HYCC2: variants seen among roughly 807,000 people sequenced by gnomAD.
HYCC2 encodes the protein hyccin PI4KA lipid kinase complex subunit 2.
At chr2:201,002,156 G>A in the HYCC2 span, among the ~76,000 whole-genome samples, 1 of 151,474 alleles carries the variant, frequency 6.6e-6, no homozygotes, top group Non-Finnish European at 1.5e-5. Flanking sequence ...AAATGGGGCT[G>A]GGCACAGTGG....
the HYCC2 span, among the ~76,000 whole-genome samples, chr2:200,988,076 AC>A: frequency 6.6e-6 from 1 of 152,216 alleles, no homozygotes; most frequent in Non-Finnish European, 1.5e-5. Context: ...AGCAATCTAA[AC>A]ATCTATTTTA....
At chr2:201,003,775 CTA>C in the HYCC2 span, among the ~76,000 whole-genome samples, 1 of 139,064 alleles carries the variant, frequency 7.2e-6, no homozygotes, top group Admixed American at 7.2e-5. Context: ...CAGTTTGCCG[CTA>C]TGTTTGGGTT....
the HYCC2 span, among the ~76,000 whole-genome samples, chr2:200,991,094 A>G: frequency 2.6e-5 from 4 of 152,210 alleles, no homozygotes; most frequent in Non-Finnish European, 5.9e-5. Flanking sequence ...ATAGAATGAA[A>G]TATTAATTTG....
the HYCC2 span, chr2:201,021,882 G>A: frequency 8.0e-6 from 3 of 376,054 alleles, no homozygotes; most frequent in African/African-American, 6.3e-5. Context: ...TACACTGCAA[G>A]AGAAAAAGCA....
the HYCC2 span, among the ~76,000 whole-genome samples, chr2:201,008,617 AGG>A: frequency 8.9e-4 from 135 of 152,240 alleles, no homozygotes; most frequent in African/African-American, 3.2e-3. Context: ...TAAATGGGCC[AGG>A]TGCAGTGGCT....
the HYCC2 span, among the ~76,000 whole-genome samples, chr2:201,050,523 C>T: frequency 6.7e-6 from 1 of 148,908 alleles, no homozygotes; most frequent in Non-Finnish European, 1.5e-5. Context: ...ACCCAGTAGG[C>T]AGAGGTTACA....
the HYCC2 span, among the ~76,000 whole-genome samples, chr2:201,036,562 T>C: frequency 6.6e-6 from 1 of 152,234 alleles, no homozygotes; most frequent in Non-Finnish European, 1.5e-5. Flanking sequence ...CAAGTGGGCT[T>C]CATCCCTGGG....
the HYCC2 span, among the ~76,000 whole-genome samples, chr2:201,062,535 C>T: frequency 1.3e-5 from 2 of 151,820 alleles, no homozygotes; most frequent in Non-Finnish European, 2.9e-5. Context: ...CCTGTAGTCC[C>T]AGCTACTTGG....
chr2:201,017,038 G>C, the HYCC2 span: 1 of 1,613,928 alleles, frequency 6.2e-7, no homozygotes. Flanking sequence ...CCATTACTCT[G>C]TCTGTCTCGG....
the HYCC2 span, among the ~76,000 whole-genome samples, chr2:201,035,903 G>T: frequency 6.6e-6 from 1 of 152,118 alleles, no homozygotes; most frequent in East Asian, 1.9e-4. Flanking sequence ...AGCAGTGGAG[G>T]CTGCAGAACA....
the HYCC2 span, among the ~76,000 whole-genome samples, chr2:201,051,130 G>A: frequency 3.3e-5 from 5 of 152,000 alleles, no homozygotes; most frequent in African/African-American, 4.8e-5. Flanking sequence ...GGCATATAAC[G>A]GCAGTTCAGG....
At chr2:201,060,009 T>A in the HYCC2 span, among the ~76,000 whole-genome samples, 95,697 of 143,206 alleles carry the variant, frequency 0.67, 31,960 homozygotes, top group African/African-American at 0.8. Context: ...GCGCCACTGC[T>A]CTCCAGCCTA....
the HYCC2 span, among the ~76,000 whole-genome samples, chr2:200,995,175 T>C: frequency 2.0e-5 from 3 of 152,172 alleles, no homozygotes; most frequent in Admixed American, 2.0e-4. Context: ...GACAAGAATT[T>C]TGTTAATCAT....
chr2:200,975,711 T>A, the HYCC2 span: 1 of 152,098 alleles, frequency 6.6e-6, no homozygotes, highest in Non-Finnish European at 1.5e-5. Context: ...CTATCCTGAA[T>A]TGTTTGCTCT....
chr2:201,061,638 T>A, the HYCC2 span, among the ~76,000 whole-genome samples: 42 of 151,712 alleles, frequency 2.8e-4, no homozygotes, highest in African/African-American at 5.8e-4. Context: ...TTTTTTTTTT[T>A]TTATTTTTAT....
chr2:201,060,790 T>A, the HYCC2 span, among the ~76,000 whole-genome samples: 2 of 152,204 alleles, frequency 1.3e-5, no homozygotes, highest in Non-Finnish European at 2.9e-5. Flanking sequence ...CCATCTCAGC[T>A]ATGCCTCAAC....
At chr2:201,025,597 G>A in the HYCC2 span, among the ~76,000 whole-genome samples, 6 of 152,198 alleles carry the variant, frequency 3.9e-5, no homozygotes, top group Admixed American at 3.3e-4. Flanking sequence ...GAATTAAGGG[G>A]AGTAGAAAGA....
At chr2:201,065,668 C>T in the HYCC2 span, among the ~76,000 whole-genome samples, 1 of 152,110 alleles carries the variant, frequency 6.6e-6, no homozygotes, top group Non-Finnish European at 1.5e-5. Flanking sequence ...TCAGATGAAG[C>T]GTAAGGGTTA....
chr2:200,991,888 C>G, the HYCC2 span, among the ~76,000 whole-genome samples: 4 of 151,184 alleles, frequency 2.6e-5, no homozygotes, highest in Non-Finnish European at 5.9e-5. Context: ...AAACAAGAAA[C>G]AAAAAAACCC....
Sources: allele counts gnomAD v4.1 joint callset (sites outside exome capture counted in the v4.1 genomes callset), GRCh38; gene constraint gnomAD v4.1.1; transcripts MANE v1.5; gene names NCBI Gene and HGNC (gene_info 2026-07-23, HGNC 2026-07-21).